The following SNTG1 variants were observed in gnomAD, a reference collection of about 807,000 sequenced individuals.
The protein encoded by SNTG1 is gamma-1-syntrophin.
A neutral mutation model predicts 74.7 loss-of-function variants in SNTG1; 39 were observed. The ratio of observed to expected loss-of-function variants is 0.52; its 90% CI spans 0.40 to 0.68. The LOEUF is 0.68. Ranked by LOEUF, SNTG1 falls within the 30% of genes least tolerant of loss-of-function variation. The pLI, the probability that SNTG1 is intolerant of heterozygous loss-of-function variation, is 0.00. For synonymous variants in SNTG1, 254 were observed against 217.1 expected, an observed-to-expected ratio of 1.17 and a Z score of -1.49; for missense variants, 685 against 609.5, an observed-to-expected ratio of 1.12 and a Z score of -1.30.
intron 2 of SNTG1, among the ~76,000 whole-genome samples, chr8:50,343,980 T>A (rs1264181427): frequency 6.6e-6 from 1 of 152,164 alleles, no homozygotes; most frequent in Admixed American, 6.5e-5. Flanking sequence ...GGTAGTTAAC[T>A]CCATCCTCAG....
intron 1 of SNTG1, among the ~76,000 whole-genome samples, chr8:49,979,777 C>T (rs1812513679): frequency 6.6e-6 from 1 of 152,144 alleles, no homozygotes; most frequent in Non-Finnish European, 1.5e-5. Context: ...CTGAGAGACC[C>T]GCAGCCCAGG....
chr8:50,189,502 G>A (rs1241331165), intron 2 of SNTG1, among the ~76,000 whole-genome samples: 2 of 152,162 alleles, frequency 1.3e-5, no homozygotes, highest in Non-Finnish European at 2.9e-5. Flanking sequence ...GGAGAAAGAA[G>A]TGGATGATTT....
chr8:49,937,710 G>C (rs929459552), intron 1 of SNTG1, among the ~76,000 whole-genome samples: 7 of 152,122 alleles, frequency 4.6e-5, no homozygotes, highest in Admixed American at 3.9e-4. Flanking sequence ...CTAATGACAA[G>C]GGAAACCAGA....
intron 5 of SNTG1, among the ~76,000 whole-genome samples, chr8:50,447,276 T>C (rs77045130): frequency 0.025 from 3,760 of 152,108 alleles, 64 homozygotes; most frequent in South Asian, 0.073. Context: ...AAAAAATGGG[T>C]TCAGTAGCAG....
chr8:50,231,960 C>A (rs1221184867), intron 2 of SNTG1, among the ~76,000 whole-genome samples: 1 of 151,128 alleles, frequency 6.6e-6, no homozygotes, highest in Non-Finnish European at 1.5e-5. Context: ...AACTGTCATG[C>A]CACTTTGTAC....
At chr8:50,536,882 T>C (rs2094312225) in intron 11 of SNTG1, 74 bp downstream of exon 11, 2 of 1,540,610 alleles carry the variant, frequency 1.3e-6, no homozygotes, top group African/African-American at 1.4e-5. Context: ...TTTTGACATA[T>C]CACAATACGC....
At chr8:50,247,715 G>A (rs1248852569) in intron 2 of SNTG1, among the ~76,000 whole-genome samples, 1 of 151,622 alleles carries the variant, frequency 6.6e-6, no homozygotes, top group Non-Finnish European at 1.5e-5. Flanking sequence ...GTAGAGACTG[G>A]GTCTTGTCAC....
chr8:50,617,551 A>G (rs374787796), intron 13 of SNTG1, among the ~76,000 whole-genome samples: 4 of 152,216 alleles, frequency 2.6e-5, no homozygotes, highest in African/African-American at 9.6e-5. Context: ...AGAATGAGCC[A>G]CAGACAAAAC....
chr8:50,639,901 G>A (rs2095061785), intron 13 of SNTG1, among the ~76,000 whole-genome samples: 1 of 152,022 alleles, frequency 6.6e-6, no homozygotes, highest in Admixed American at 6.6e-5. Flanking sequence ...TAGGTGACAT[G>A]ATAGGTTTTA....
intron 17 of SNTG1, among the ~76,000 whole-genome samples, chr8:50,717,330 G>C (rs952290206): frequency 1.3e-4 from 20 of 151,844 alleles, no homozygotes; most frequent in African/African-American, 4.8e-4. Flanking sequence ...TCGTATTTTA[G>C]TTTACCTTTG....
chr8:50,748,971 A>C (rs1383607768), intron 17 of SNTG1, among the ~76,000 whole-genome samples: 1 of 152,064 alleles, frequency 6.6e-6, no homozygotes, highest in Non-Finnish European at 1.5e-5. Context: ...TGAAAGACTC[A>C]CATGCCTCTC....
chr8:50,786,823 A>G (rs971563459), intron 18 of SNTG1, among the ~76,000 whole-genome samples: 2 of 152,038 alleles, frequency 1.3e-5, no homozygotes, highest in African/African-American at 4.8e-5. Flanking sequence ...TCCTCATACC[A>G]TAAAAAATTA....
chr8:50,780,658 C>G (rs1241364449), intron 18 of SNTG1, among the ~76,000 whole-genome samples: 1 of 152,170 alleles, frequency 6.6e-6, no homozygotes, highest in African/African-American at 2.4e-5. Context: ...AAACCAGCTC[C>G]TGGATTCTTT....
chr8:50,094,640 TCA>T (rs746128293), intron 1 of SNTG1, among the ~76,000 whole-genome samples: 5 of 152,152 alleles, frequency 3.3e-5, no homozygotes, highest in Non-Finnish European at 7.3e-5. Context: ...TGAGATGCCT[TCA>T]CACCAAATCA....
At chr8:50,326,407 T>C (rs2090751641) in intron 2 of SNTG1, among the ~76,000 whole-genome samples, 1 of 152,028 alleles carries the variant, frequency 6.6e-6, no homozygotes, top group Non-Finnish European at 1.5e-5. Flanking sequence ...TCTTCTTGTG[T>C]GAGTTCTGGC....
At chr8:50,150,428 A>G (rs1385786574) in intron 1 of SNTG1, among the ~76,000 whole-genome samples, 1 of 152,058 alleles carries the variant, frequency 6.6e-6, no homozygotes, top group Admixed American at 6.6e-5. Context: ...TTCCAACACT[A>G]TGTTGAATAG....
At chr8:50,420,778 G>A (rs2093071732) in intron 4 of SNTG1, among the ~76,000 whole-genome samples, 1 of 151,830 alleles carries the variant, frequency 6.6e-6, no homozygotes, top group South Asian at 2.1e-4. Context: ...TGTAATCCCA[G>A]CACTTTGGGA....
intron 1 of SNTG1, among the ~76,000 whole-genome samples, chr8:50,149,352 C>T (rs1175281724): frequency 4.6e-5 from 7 of 152,162 alleles, no homozygotes; most frequent in African/African-American, 1.7e-4. Flanking sequence ...GCCTGTTCAC[C>T]CTGATGGCAG....
intron 5 of SNTG1, among the ~76,000 whole-genome samples, chr8:50,444,751 G>GAAAA (rs35569528): frequency 3.8e-5 from 1 of 26,036 alleles, no homozygotes; most frequent in Admixed American, 4.1e-4. Context: ...CTCCATCTCA[G>GAAAA]AAAAAAAAAA....
Sources: gnomAD v4.1 joint callset for allele counts (sites outside exome capture counted in the v4.1 genomes callset) on GRCh38, gnomAD v4.1.1 for gene constraint, MANE v1.5 for transcripts, NCBI Gene and HGNC (gene_info 2026-07-23, HGNC 2026-07-21) for gene names.